The following TRAM2 variants were observed in gnomAD, a reference collection of about 807,000 sequenced individuals.
TRAM2 encodes translocation associated membrane protein 2.
A neutral mutation model predicts 51.0 loss-of-function variants in TRAM2; 12 were observed. The observed-to-expected ratio is 0.24, with a 90% CI of 0.15 to 0.38. The LOEUF (loss-of-function observed/expected upper bound fraction) is 0.38, where lower values mean the gene tolerates loss of function less well. Ranked by LOEUF, TRAM2 falls within the 10% of genes least tolerant of loss-of-function variation. The probability of loss-of-function intolerance (pLI) is 1.00; values close to 1 mark genes in which losing one functional copy is unlikely to be tolerated. For missense variants in TRAM2, 361 were observed against 462.0 expected (o/e 0.78, Z 2.00); for synonymous variants, 175 against 179.4 (o/e 0.98, Z 0.20).
intron 1 of TRAM2, among the ~76,000 whole-genome samples, chr6:52,561,522 G>C (rs1767501062): frequency 7.0e-6 from 1 of 142,508 alleles, no homozygotes; most frequent in Non-Finnish European, 1.5e-5. Context: ...GTCTCGCTCT[G>C]TCGCCCAGGC....
At chr6:52,565,931 C>T (rs1193803563) in intron 1 of TRAM2, among the ~76,000 whole-genome samples, 1 of 152,206 alleles carries the variant, frequency 6.6e-6, no homozygotes, top group Non-Finnish European at 1.5e-5. Context: ...AAACCAGTTT[C>T]CTTAGGTAAG....
intron 2 of TRAM2, among the ~76,000 whole-genome samples, chr6:52,525,881 G>A (rs556232696): frequency 6.6e-4 from 100 of 152,170 alleles, no homozygotes; most frequent in African/African-American, 2.3e-3. Context: ...AATATGACTG[G>A]TGGTCTTCTA....
chr6:52,540,046 G>GC (rs1767050007), intron 1 of TRAM2, among the ~76,000 whole-genome samples: 1 of 151,214 alleles, frequency 6.6e-6, no homozygotes, highest in African/African-American at 2.4e-5. Context: ...TCCATCCCTA[G>GC]CCCCCCTGGT....
At chr6:52,528,601 A>T in intron 2 of TRAM2, among the ~76,000 whole-genome samples, 1 of 152,158 alleles carries the variant, frequency 6.6e-6, no homozygotes, top group East Asian at 1.9e-4. Context: ...CTCATCCTAG[A>T]AGAGGCTGCG....
chr6:52,504,088 G>A (rs1042966010), intron 10 of TRAM2, among the ~76,000 whole-genome samples: 9 of 152,176 alleles, frequency 5.9e-5, no homozygotes, highest in African/African-American at 2.2e-4. Flanking sequence ...GTGCGTGCAC[G>A]GGCCAAAGGA....
At chr6:52,521,125 G>A (rs900149769) in intron 2 of TRAM2, among the ~76,000 whole-genome samples, 3 of 151,774 alleles carry the variant, frequency 2.0e-5, no homozygotes, top group African/African-American at 7.3e-5. Context: ...GGCCAGGCTG[G>A]TCTTGAACTC....
At chr6:52,571,947 G>C (rs191180845) in intron 1 of TRAM2, among the ~76,000 whole-genome samples, 2 of 152,212 alleles carry the variant, frequency 1.3e-5, no homozygotes. Flanking sequence ...TCACTGGGTA[G>C]TTAGGGTTAA....
intron 1 of TRAM2, among the ~76,000 whole-genome samples, chr6:52,576,127 G>A (rs555348320): frequency 3.3e-5 from 5 of 152,172 alleles, no homozygotes; most frequent in Non-Finnish European, 5.9e-5. Flanking sequence ...AGGGGGTGAA[G>A]CTCTGGGTCG....
intron 1 of TRAM2, among the ~76,000 whole-genome samples, chr6:52,572,530 G>T (rs1372601033): frequency 1.3e-5 from 2 of 152,252 alleles, no homozygotes; most frequent in Non-Finnish European, 2.9e-5. Flanking sequence ...TGGAACCTGG[G>T]AGGCGGAGGC....
intron 1 of TRAM2, among the ~76,000 whole-genome samples, chr6:52,565,113 C>G (rs1767567732): frequency 6.6e-6 from 1 of 152,064 alleles, no homozygotes; most frequent in African/African-American, 2.4e-5. Flanking sequence ...GCTTTGAAGC[C>G]AAGCTAATTG....
intron 2 of TRAM2, among the ~76,000 whole-genome samples, chr6:52,526,258 C>G (rs976811069): frequency 2.6e-5 from 4 of 152,010 alleles, no homozygotes; most frequent in Non-Finnish European, 4.4e-5. Flanking sequence ...ATTTTAACCC[C>G]ACATTGCATG....
At position 52,570,799 on chromosome 6, in the gene TRAM2, C is replaced by G. The variant is rs76502357; in HGVS notation, c.120+5997G>C. Among the ~76,000 whole-genome samples, 41 of 117,670 alleles carry G rather than the reference C, an allele frequency of 3.5e-4. 1 individual carries two copies. Among genetic ancestry groups the G allele is most frequent in the African/African-American group, 1.2e-3 (38 of 32,160 alleles). 77.2% of individuals were successfully genotyped at this position (117,670 alleles called of 152,430 possible). ...CCCCAATCCTCCCTGCCCACCACCC[C>G]CCCCCCCACACGCACACACACTCTG... On this transcript the variant is annotated intron_variant, in intron 1 of 10. Coordinates refer to ENST00000182527, the MANE Select transcript of TRAM2 (RefSeq NM_012288.4).
chr6:52,501,079 T>C lies in TRAM2; in HGVS notation c.*2118A>G, dbSNP rs543012355. 3.9e-5 allele frequency: 6 copies of C among 152,286 alleles called. No individual in the cohort carries two copies. The East Asian group carries it at 9.6e-4, about 24-fold the overall frequency. 9.4% of individuals were successfully genotyped at this position (152,286 alleles called of 1,614,324 possible). On this transcript the variant is annotated 3_prime_UTR_variant, in exon 11 of 11. Transcript: ENST00000182527. The stretch of plus-strand genomic sequence containing the variant: ...CTCTGTCAGGGCTGTTTGACTAAAG[T>C]GGCTAAGGGATCCCATATCAGGTCT...
intron 1 of TRAM2, among the ~76,000 whole-genome samples, chr6:52,557,587 C>T (rs745731519): frequency 5.9e-5 from 9 of 152,190 alleles, no homozygotes; most frequent in East Asian, 1.9e-4. Context: ...TGCATAACAC[C>T]GTATTTATAA....
chr6:52,548,715 T>C (rs1234091239), intron 1 of TRAM2, among the ~76,000 whole-genome samples: 1 of 152,246 alleles, frequency 6.6e-6, no homozygotes, highest in Admixed American at 6.5e-5. Context: ...CTGAACGATG[T>C]GCCTAAGATC....
At chr6:52,549,866 G>A (rs1436305680) in intron 1 of TRAM2, among the ~76,000 whole-genome samples, 1 of 152,182 alleles carries the variant, frequency 6.6e-6, no homozygotes. Flanking sequence ...TAGATGTGTT[G>A]CACTATTTGG....
At chr6:52,550,011 A>G (rs981711908) in intron 1 of TRAM2, among the ~76,000 whole-genome samples, 1 of 152,154 alleles carries the variant, frequency 6.6e-6, no homozygotes, top group Non-Finnish European at 1.5e-5. Flanking sequence ...CAGAAGGCAG[A>G]ATAGCATCTG....
chr6:52,538,555 C>T (rs1189327450), intron 1 of TRAM2, among the ~76,000 whole-genome samples: 1 of 152,152 alleles, frequency 6.6e-6, no homozygotes, highest in African/African-American at 2.4e-5. Context: ...TTCTAGGACA[C>T]ATTATCATTC....
At chr6:52,520,407 G>A (rs2114074105) in intron 2 of TRAM2, among the ~76,000 whole-genome samples, 1 of 152,344 alleles carries the variant, frequency 6.6e-6, no homozygotes, top group East Asian at 1.9e-4. Context: ...GAAGCCAGGA[G>A]AGCAGTCAGA....
Sources: gnomAD v4.1 joint callset for allele counts (sites outside exome capture counted in the v4.1 genomes callset) on GRCh38, gnomAD v4.1.1 for gene constraint, MANE v1.5 for transcripts, NCBI Gene and HGNC (gene_info 2026-07-23, HGNC 2026-07-21) for gene names.